EIF3H: variants seen among roughly 807,000 people sequenced by gnomAD.
EIF3H encodes the protein eukaryotic translation initiation factor 3 subunit H, also known as eIF-3-gamma.
A neutral mutation model predicts 44.2 loss-of-function variants in EIF3H; 26 were observed. That is an observed-to-expected ratio of 0.59 (90% CI 0.43 to 0.82). The LOEUF (loss-of-function observed/expected upper bound fraction) is 0.82. Ranked by LOEUF, EIF3H falls within the 40% of genes least tolerant of loss-of-function variation. EIF3H has a pLI of 0.00. For missense variants in EIF3H, 359 were observed against 432.8 expected (o/e 0.83, Z 1.51); for synonymous variants, 166 against 151.9 (o/e 1.09, Z -0.68).
intron 5 of EIF3H, among the ~76,000 whole-genome samples, chr8:116,653,506 A>T (rs181904597): frequency 1.6e-3 from 242 of 152,288 alleles, no homozygotes; most frequent in African/African-American, 4.8e-3. Context: ...ACTTATTGTT[A>T]GGAGTTTCAG....
chr8:116,724,528 A>G (rs559384496), intron 2 of EIF3H, among the ~76,000 whole-genome samples: 2 of 152,290 alleles, frequency 1.3e-5, no homozygotes, highest in South Asian at 4.1e-4. Flanking sequence ...ACAAAATGGG[A>G]GAAAATACAT....
chr8:116,659,820 C>G (rs962452407), intron 2 of EIF3H, among the ~76,000 whole-genome samples: 19 of 152,020 alleles, frequency 1.2e-4, no homozygotes, highest in African/African-American at 3.9e-4. Flanking sequence ...CAATAATGCA[C>G]AGCAAATATA....
chr8:116,732,562 A>G (rs1332366740), intron 1 of EIF3H, among the ~76,000 whole-genome samples: 1 of 152,232 alleles, frequency 6.6e-6, no homozygotes. Flanking sequence ...CCTATCAAAC[A>G]TAATGTCTGC....
intron 4 of EIF3H, 70 bp downstream of exon 4, chr8:116,657,145 A>C: frequency 1.3e-5 from 17 of 1,306,108 alleles, no homozygotes; most frequent in Non-Finnish European, 1.8e-5. Context: ...CAAGGATTCA[A>C]GAGATGTGGC....
Position 116,726,183 on chromosome 8 carries a change from C to A in EIF3H, c.133-11G>T. 1.2e-6 allele frequency: 2 copies of A among 1,609,504 alleles called. No individual in the cohort carries two copies. The highest frequency in any genetic ancestry group is 1.7e-6 in the Non-Finnish European group (2 of 1,177,474). On this transcript the variant is annotated splice_polypyrimidine_tract_variant and intron_variant, in intron 1 of 7. Transcript: ENST00000521861. ...TATCTTTAATACCACCTAAAACATA[C>A]ACACACAGAAGGGAGCTTAACAACC...
intron 2 of EIF3H, among the ~76,000 whole-genome samples, chr8:116,679,204 C>T (rs1184663482): frequency 7.7e-5 from 6 of 77,988 alleles, no homozygotes; most frequent in Admixed American, 1.9e-4. Flanking sequence ...GCCGCCCCGT[C>T]CGGGAGGTGA....
intron 1 of EIF3H, among the ~76,000 whole-genome samples, chr8:116,740,841 A>G (rs1815118248): frequency 6.6e-6 from 1 of 152,144 alleles, no homozygotes; most frequent in Non-Finnish European, 1.5e-5. Flanking sequence ...ACAAAGTTTG[A>G]GTGCCAGCCC....
intron 2 of EIF3H, among the ~76,000 whole-genome samples, chr8:116,694,402 T>C (rs1054124171): frequency 2.6e-5 from 4 of 152,244 alleles, no homozygotes; most frequent in Admixed American, 6.5e-5. Context: ...GTATCTTTTC[T>C]TGTGAACTGT....
intron 1 of EIF3H, among the ~76,000 whole-genome samples, chr8:116,749,750 C>G (rs142384317): frequency 2.1e-5 from 2 of 96,336 alleles, no homozygotes; most frequent in Admixed American, 1.0e-4. Context: ...AACAGCTTTA[C>G]GACATGCTTA....
rs200242509 is a variant in EIF3H, at chr8:116,658,943, A to G, written c.327T>C (p.His109=). 9 of 1,613,520 alleles carry G rather than the reference A, an allele frequency of 5.6e-6. No homozygotes were observed. The highest frequency in any genetic ancestry group is 1.1e-5 in the South Asian group (1 of 91,004). The change falls in exon 3 of 8, where the codon CAT becomes CAC. Residue 109 remains histidine (H), a synonymous_variant. Coordinates refer to ENST00000521861, the MANE Select transcript of EIF3H (RefSeq NM_003756.3). The part of the protein sequence containing the change: ...YQMEMMRSLR[H]VNIDHLHVGW... Reference sequence around the variant, plus strand: ...CCACGTGAAGATGATCAATGTTTACATGGCGAAGGCTCCGCATCATTTCCA... The same window carrying G: ...CCACGTGAAGATGATCAATGTTTACGTGGCGAAGGCTCCGCATCATTTCCA...
At chr8:116,733,585 GTAT>G (rs774950022) in intron 1 of EIF3H, among the ~76,000 whole-genome samples, 6 of 151,822 alleles carry the variant, frequency 4.0e-5, no homozygotes, top group Non-Finnish European at 7.4e-5. Context: ...GATATTTCAT[GTAT>G]TTCAAGGCCC....
chr8:116,744,233 CAGTA>C (rs770418574), intron 1 of EIF3H, among the ~76,000 whole-genome samples: 89 of 131,404 alleles, frequency 6.8e-4, no homozygotes, highest in Non-Finnish European at 8.0e-4. Context: ...AAAAAACAAA[CAGTA>C]AGCCTCAAGA....
At chr8:116,717,603 G>A (rs775049454) in intron 2 of EIF3H, among the ~76,000 whole-genome samples, 2 of 151,890 alleles carry the variant, frequency 1.3e-5, no homozygotes, top group Non-Finnish European at 2.9e-5. Context: ...CAAATACTTA[G>A]AGTTAACTGA....
At chr8:116,680,598 T>C (rs1813966176) in intron 2 of EIF3H, among the ~76,000 whole-genome samples, 3 of 113,394 alleles carry the variant, frequency 2.6e-5, no homozygotes, top group Admixed American at 1.9e-4. Context: ...CGGTGCAAGA[T>C]GTGCTTTGTT....
At chr8:116,720,222 C>T (rs1814721780) in intron 2 of EIF3H, among the ~76,000 whole-genome samples, 1 of 151,998 alleles carries the variant, frequency 6.6e-6, no homozygotes, top group Non-Finnish European at 1.5e-5. Context: ...TTAATATTTA[C>T]AATTGTTTGA....
chr8:116,716,803 C>CAAAT (rs1326189688), intron 2 of EIF3H, among the ~76,000 whole-genome samples: 27 of 152,084 alleles, frequency 1.8e-4, no homozygotes, highest in Non-Finnish European at 3.5e-4. Flanking sequence ...CATTGTTTGT[C>CAAAT]CATCTCTGAT....
At chr8:116,664,810 G>C (rs746708212) in intron 2 of EIF3H, among the ~76,000 whole-genome samples, 7 of 152,060 alleles carry the variant, frequency 4.6e-5, no homozygotes, top group Admixed American at 3.3e-4. Context: ...AATATTTAAT[G>C]ACTTAATATT....
At chr8:116,743,837 C>CAT (rs1253823228) in intron 1 of EIF3H, among the ~76,000 whole-genome samples, 2 of 115,522 alleles carry the variant, frequency 1.7e-5, no homozygotes, top group African/African-American at 6.2e-5. Context: ...CACACACACA[C>CAT]ATATATAAAT....
intron 7 of EIF3H, among the ~76,000 whole-genome samples, chr8:116,645,582 A>G (rs1026134463): frequency 1.3e-5 from 2 of 152,224 alleles, no homozygotes; most frequent in African/African-American, 4.8e-5. Flanking sequence ...AAGAGTAAAG[A>G]GTTCACTTGA....
Sources: gnomAD v4.1 joint callset for allele counts (sites outside exome capture counted in the v4.1 genomes callset) on GRCh38, gnomAD v4.1.1 for gene constraint, MANE v1.5 for transcripts, NCBI Gene and HGNC (gene_info 2026-07-23, HGNC 2026-07-21) for gene names.